MAP2: variants seen among roughly 807,000 people sequenced by gnomAD.
MAP2 encodes microtubule associated protein 2, also known as microtubule-associated protein 2.
A neutral mutation model predicts 137.6 loss-of-function variants in MAP2; 14 were observed. The ratio of observed to expected loss-of-function variants is 0.10; its 90% confidence interval spans 0.07 to 0.16. MAP2 has a LOEUF of 0.16. Among genes scored for constraint, MAP2 ranks in the 10% least tolerant of loss-of-function variants. MAP2 has a pLI of 1.00. For synonymous variants in MAP2, 786 were observed against 782.3 expected (o/e 1.00, Z -0.08); for missense variants, 2,088 against 2,191.5 (o/e 0.95, Z 0.94).
intron 1 of MAP2, among the ~76,000 whole-genome samples, chr2:209,435,932 TA>T (rs1695843623): frequency 7.2e-6 from 1 of 139,770 alleles, no homozygotes; most frequent in East Asian, 2.2e-4. Context: ...ATATATATTA[TA>T]TATATAATAT....
intron 5 of MAP2, among the ~76,000 whole-genome samples, chr2:209,674,078 A>T (rs1298799573): frequency 6.6e-6 from 1 of 151,658 alleles, no homozygotes; most frequent in Non-Finnish European, 1.5e-5. Flanking sequence ...AACAAAGACA[A>T]TATTTACTTC....
intron 1 of MAP2, among the ~76,000 whole-genome samples, chr2:209,432,702 A>G (rs1017651883): frequency 2.0e-5 from 3 of 152,146 alleles, no homozygotes; most frequent in Non-Finnish European, 4.4e-5. Flanking sequence ...ATCACTGAGT[A>G]GATTGTACAG....
At chr2:209,437,206 G>T (rs568777703) in intron 1 of MAP2, among the ~76,000 whole-genome samples, 1 of 151,730 alleles carries the variant, frequency 6.6e-6, no homozygotes, top group Admixed American at 6.6e-5. Context: ...TGGATTTGTT[G>T]CTTCTGAACC....
intron 6 of MAP2, among the ~76,000 whole-genome samples, chr2:209,679,598 G>T (rs142043491): frequency 1.3e-5 from 2 of 151,686 alleles, no homozygotes; most frequent in African/African-American, 4.8e-5. Context: ...TTGATTTTTT[G>T]ATCAGTATTC....
At chr2:209,482,974 G>T (rs2057919342) in intron 1 of MAP2, among the ~76,000 whole-genome samples, 1 of 151,978 alleles carries the variant, frequency 6.6e-6, no homozygotes, top group South Asian at 2.1e-4. Context: ...TATTGATTAG[G>T]GCAAAGTAGA....
chr2:209,541,541 TA>T (rs772501056), intron 2 of MAP2, among the ~76,000 whole-genome samples: 54 of 146,080 alleles, frequency 3.7e-4, no homozygotes, highest in Non-Finnish European at 5.9e-4. Flanking sequence ...TGTTGTTTGA[TA>T]GCATTTCAAC....
intron 2 of MAP2, among the ~76,000 whole-genome samples, chr2:209,513,303 G>A (rs369308319): frequency 5.3e-5 from 8 of 151,996 alleles, no homozygotes; most frequent in Admixed American, 5.2e-4. Flanking sequence ...TTATAGACTT[G>A]TTATGCTTCA....
At chr2:209,512,437 A>ATT (rs894050562) in intron 2 of MAP2, among the ~76,000 whole-genome samples, 4 of 151,670 alleles carry the variant, frequency 2.6e-5, no homozygotes, top group African/African-American at 9.7e-5. Flanking sequence ...TTTTTTCTAG[A>ATT]TTTTACATGT....
At chr2:209,530,509 G>A (rs2064951917) in intron 2 of MAP2, among the ~76,000 whole-genome samples, 1 of 152,124 alleles carries the variant, frequency 6.6e-6, no homozygotes, top group South Asian at 2.1e-4. Context: ...TCACTGTTCA[G>A]TTACATGATT....
intron 2 of MAP2, chr2:209,579,796 C>G (rs1476491828): frequency 6.6e-6 from 1 of 152,136 alleles, no homozygotes; most frequent in Non-Finnish European, 1.5e-5. Context: ...GTTTCATTTT[C>G]AATTCGTTTT....
intron 1 of MAP2, among the ~76,000 whole-genome samples, chr2:209,450,931 G>T (rs1348654007): frequency 6.6e-6 from 1 of 152,046 alleles, no homozygotes; most frequent in African/African-American, 2.4e-5. Flanking sequence ...ATAATTATTA[G>T]AATTTCTAAT....
At position 209,709,929 on chromosome 2, in the gene MAP2, G is replaced by T; in HGVS notation, c.4748G>T (p.Arg1583Leu). The change falls in exon 13 of 16, where the codon CGC becomes CTC. Residue 1583 changes from arginine (R) to leucine (L), a missense_variant. Arg to Leu is a moderately radical substitution (Grantham distance 102). Around this residue, in one of 6 missense-constraint regions of MAP2, gnomAD observed 591 missense variants for 642.6 expected, o/e 0.92. Coordinates refer to ENST00000682079, the MANE Select transcript of MAP2 (RefSeq NM_001375505.1). ...ARRTTRSEPI[R>L]RAGKSGTSTP... is the part of the protein sequence containing the mutation. ...GTTAATACAGGGTCAGAGCCAATTC[G>T]CAGAGCAGGGAAGAGTGGTACCTCA... 1 of 1,612,984 alleles carries T rather than the reference G, an allele frequency of 6.2e-7. No homozygotes were observed. Among genetic ancestry groups the T allele is most frequent in the South Asian group, 1.1e-5 (1 of 90,980 alleles).
At chr2:209,680,932 C>T in intron 7 of MAP2, 105 bp downstream of exon 7, 1 of 692,762 alleles carries the variant, frequency 1.4e-6, no homozygotes, top group Non-Finnish European at 2.4e-6. Flanking sequence ...TGTGACCAAG[C>T]TTTGGAGCTA....
intron 1 of MAP2, among the ~76,000 whole-genome samples, chr2:209,495,419 C>T (rs1359493727): frequency 6.6e-6 from 1 of 152,232 alleles, no homozygotes; most frequent in African/African-American, 2.4e-5. Context: ...GGATGACAGA[C>T]ATCTCATACG....
chr2:209,715,281 T>C (rs1186322847), intron 13 of MAP2, among the ~76,000 whole-genome samples: 1 of 152,140 alleles, frequency 6.6e-6, no homozygotes, highest in Non-Finnish European at 1.5e-5. Flanking sequence ...ATAGCATCAA[T>C]CTTGGCATCT....
chr2:209,448,699 T>C (rs1429914794), intron 1 of MAP2, among the ~76,000 whole-genome samples: 3 of 152,222 alleles, frequency 2.0e-5, no homozygotes, highest in African/African-American at 7.2e-5. Context: ...CTTTTTCACA[T>C]GGACTTCTCT....
chr2:209,649,244 T>G (rs1487625419), intron 4 of MAP2, among the ~76,000 whole-genome samples: 1 of 152,092 alleles, frequency 6.6e-6, no homozygotes, highest in East Asian at 1.9e-4. Flanking sequence ...CTTGAACTCC[T>G]GGACTCAAGC....
intron 3 of MAP2, among the ~76,000 whole-genome samples, chr2:209,613,214 A>G (rs1337445417): frequency 1.3e-5 from 2 of 152,018 alleles, no homozygotes; most frequent in South Asian, 2.1e-4. Context: ...AAAGCCACAA[A>G]TGGCTTCCAG....
At chr2:209,511,553 A>G (rs1212641323) in intron 2 of MAP2, among the ~76,000 whole-genome samples, 2 of 152,102 alleles carry the variant, frequency 1.3e-5, no homozygotes, top group African/African-American at 4.8e-5. Context: ...GGTGCTTAGA[A>G]TTCTTAAACA....
Sources: allele counts gnomAD v4.1 joint callset (sites outside exome capture counted in the v4.1 genomes callset), GRCh38; gene constraint gnomAD v4.1.1; regional missense constraint gnomAD v4.1.1; transcripts MANE v1.5; gene names NCBI Gene and HGNC (gene_info 2026-07-23, HGNC 2026-07-21).